Variants in MTMR7 observed in about 807,000 individuals in gnomAD.
MTMR7 encodes the protein phosphatidylinositol-3-phosphate phosphatase MTMR7.
Under a neutral mutation model 81.2 loss-of-function variants are expected in MTMR7, and 76 were observed. The ratio of observed to expected loss-of-function variants is 0.94; its 90% CI spans 0.78 to 1.13. MTMR7 has a LOEUF of 1.13. MTMR7 is among the 50% of genes most tolerant of loss of function. The pLI is 0.00. For synonymous variants in MTMR7, 372 were observed against 289.8 expected, an observed-to-expected ratio of 1.28 and a Z score of -2.88; for missense variants, 1,044 against 820.0, an observed-to-expected ratio of 1.27 and a Z score of -3.34.
chr8:17,350,328 C>T (rs549921833), intron 4 of MTMR7, among the ~76,000 whole-genome samples: 2 of 152,346 alleles, frequency 1.3e-5, no homozygotes, highest in East Asian at 3.9e-4. Flanking sequence ...TTAATGGACT[C>T]ACAGTTCCAC....
intron 5 of MTMR7, among the ~76,000 whole-genome samples, chr8:17,344,422 G>T (rs1203776149): frequency 1.3e-5 from 2 of 152,152 alleles, no homozygotes; most frequent in Non-Finnish European, 2.9e-5. Flanking sequence ...GACCAGCCTG[G>T]CCAACATGGT....
chr8:17,373,223 C>G lies in MTMR7; in HGVS notation c.42G>C (p.Leu14Phe). 4 of 1,612,630 alleles carry G rather than the reference C, an allele frequency of 2.5e-6. No individual in the cohort carries two copies. Among genetic ancestry groups the G allele is most frequent in the Non-Finnish European group, 3.4e-6 (4 of 1,179,330 alleles). The change falls in exon 2 of 14, where the codon TTG becomes TTC. Residue 14 changes from leucine (L) to phenylalanine (F), a missense_variant. Physicochemically the swap from Leu to Phe is conservative, Grantham distance 22. Coordinates refer to ENST00000180173, the MANE Select transcript of MTMR7 (RefSeq NM_004686.5). ...IRTPKVENVR[L>F]VDRVSPKKAA... Reference sequence around the variant, plus strand: ...CTTTTTTAGGAGACACTCGATCTACCAAGCGGACATTTTCAACCTAGAGAA... The same window carrying G: ...CTTTTTTAGGAGACACTCGATCTACGAAGCGGACATTTTCAACCTAGAGAA...
intron 3 of MTMR7, among the ~76,000 whole-genome samples, chr8:17,361,997 G>C (rs906927927): frequency 5.3e-5 from 8 of 151,968 alleles, no homozygotes; most frequent in African/African-American, 1.9e-4. Flanking sequence ...AAGCCCAATA[G>C]CCCCACTGTT....
At chr8:17,311,872 A>C in intron 8 of MTMR7, 1 of 556,994 alleles carries the variant, frequency 1.8e-6, no homozygotes. Flanking sequence ...GTCACCTCCA[A>C]TAAGCGCATG....
chr8:17,400,519 T>C (rs1821396174), intron 1 of MTMR7, among the ~76,000 whole-genome samples: 1 of 152,118 alleles, frequency 6.6e-6, no homozygotes, highest in Non-Finnish European at 1.5e-5. Context: ...CCCTCTGGAG[T>C]CCTGTGTGCT....
At chr8:17,363,511 C>A (rs1387424558) in intron 3 of MTMR7, among the ~76,000 whole-genome samples, 3 of 152,298 alleles carry the variant, frequency 2.0e-5, no homozygotes, top group Non-Finnish European at 4.4e-5. Flanking sequence ...CCATAAATTA[C>A]AGCAAGAATA....
intron 11 of MTMR7, among the ~76,000 whole-genome samples, chr8:17,305,396 A>T (rs1817383889): frequency 6.6e-6 from 1 of 152,188 alleles, no homozygotes; most frequent in African/African-American, 2.4e-5. Flanking sequence ...TTGCTTTCCC[A>T]ATTAAATTTG....
intron 1 of MTMR7, among the ~76,000 whole-genome samples, chr8:17,403,349 T>G (rs964056764): frequency 6.6e-6 from 1 of 152,180 alleles, no homozygotes; most frequent in Non-Finnish European, 1.5e-5. Context: ...TTTCCCAATA[T>G]ATGTCATTGG....
chr8:17,379,875 C>T (rs901452082), intron 1 of MTMR7, among the ~76,000 whole-genome samples: 2 of 152,138 alleles, frequency 1.3e-5, no homozygotes, highest in African/African-American at 4.8e-5. Flanking sequence ...CTAATCTAAA[C>T]TGTCTGAAGG....
rs1285915708 is a variant in MTMR7, at chr8:17,297,821, T to A, written c.*2041A>T. ...TTAATAAGCAATAAATGTAACCTTT[T>A]ATATAAATCTCAGTGCTAGGTTAAC... is the stretch of plus-strand genomic sequence containing the variant. On this transcript the variant is annotated 3_prime_UTR_variant, in exon 14 of 14. Transcript: ENST00000180173. 2 of 150,974 alleles carry A rather than the reference T, an allele frequency of 1.3e-5. No individual in the cohort carries two copies. Among genetic ancestry groups the A allele is most frequent in the Admixed American group, 1.3e-4 (2 of 15,008 alleles). The allele number at this position is 150,974 out of a possible 1,614,324, so 9.4% of individuals were successfully genotyped here. A position where few individuals can be genotyped will look rare whatever the true frequency, so the allele number is the denominator to read the frequency against.
At chr8:17,405,464 A>G (rs1821550699) in intron 1 of MTMR7, among the ~76,000 whole-genome samples, 1 of 152,182 alleles carries the variant, frequency 6.6e-6, no homozygotes, top group South Asian at 2.1e-4. Flanking sequence ...TGAGTCCTAG[A>G]TGAGGAACTT....
intron 4 of MTMR7, 77 bp downstream of exon 4, chr8:17,361,040 G>C (rs1820043873): frequency 2.0e-6 from 3 of 1,508,550 alleles, no homozygotes; most frequent in South Asian, 1.1e-5. Flanking sequence ...ACCTGAAGGA[G>C]ATAAAAATAA....
At chr8:17,398,155 C>A (rs1472158852) in intron 1 of MTMR7, among the ~76,000 whole-genome samples, 1 of 152,092 alleles carries the variant, frequency 6.6e-6, no homozygotes, top group African/African-American at 2.4e-5. Flanking sequence ...CAAACATCCA[C>A]AAGCATCAAG....
intron 6 of MTMR7, among the ~76,000 whole-genome samples, chr8:17,335,635 T>C (rs1031315619): frequency 3.9e-5 from 6 of 152,200 alleles, no homozygotes; most frequent in Non-Finnish European, 8.8e-5. Flanking sequence ...ATGACGGTCT[T>C]TCTCTCTCCC....
At chr8:17,400,745 C>T (rs964843306) in intron 1 of MTMR7, among the ~76,000 whole-genome samples, 1 of 150,004 alleles carries the variant, frequency 6.7e-6, no homozygotes, top group Non-Finnish European at 1.5e-5. Context: ...TACGCTCTTA[C>T]TCAAAAGACA....
At chr8:17,312,312 CG>C (rs1817825706) in intron 8 of MTMR7, among the ~76,000 whole-genome samples, 1 of 152,098 alleles carries the variant, frequency 6.6e-6, no homozygotes, top group Non-Finnish European at 1.5e-5. Context: ...CAGTGGCTCA[CG>C]CATGTAATCC....
chr8:17,351,181 G>A (rs1425558708), intron 4 of MTMR7, among the ~76,000 whole-genome samples: 1 of 152,154 alleles, frequency 6.6e-6, no homozygotes, highest in Admixed American at 6.5e-5. Context: ...TCAGCAAGTT[G>A]GGAATTACCT....
At chr8:17,364,901 T>C (rs7822451) in intron 3 of MTMR7, among the ~76,000 whole-genome samples, 17,030 of 152,258 alleles carry the variant, frequency 0.11, 1,334 homozygotes, top group East Asian at 0.32. Flanking sequence ...TTCTTTAACT[T>C]ACCGATTTCA....
intron 7 of MTMR7, among the ~76,000 whole-genome samples, chr8:17,315,481 T>G (rs1818017324): frequency 6.6e-6 from 1 of 152,150 alleles, no homozygotes; most frequent in Non-Finnish European, 1.5e-5. Flanking sequence ...GTGATACCGA[T>G]GTGCCAATGT....
Sources: gnomAD v4.1 joint callset for allele counts (sites outside exome capture counted in the v4.1 genomes callset) on GRCh38, gnomAD v4.1.1 for gene constraint, MANE v1.5 for transcripts, NCBI Gene and HGNC (gene_info 2026-07-23, HGNC 2026-07-21) for gene names.